Variants in RYR3 observed in about 807,000 individuals in gnomAD.
RYR3 encodes brain ryanodine receptor-calcium release channel.
Under a neutral mutation model 584.3 loss-of-function variants are expected in RYR3, and 207 were observed. That is an observed-to-expected ratio of 0.35 (90% CI 0.32 to 0.40). The LOEUF (loss-of-function observed/expected upper bound fraction) is 0.40, where lower values mean the gene tolerates loss of function less well. RYR3 is among the 10% of genes least tolerant of loss of function. The pLI is 1.00. For synonymous variants in RYR3, 2,416 were observed against 2,248.5 expected (o/e 1.07, Z -2.11); for missense variants, 5,616 against 6,089.2 (o/e 0.92, Z 2.59).
intron 1 of RYR3, among the ~76,000 whole-genome samples, chr15:33,386,108 A>G (rs2041583211): frequency 6.6e-6 from 1 of 152,190 alleles, no homozygotes; most frequent in Non-Finnish European, 1.5e-5. Context: ...AAAATCTTTT[A>G]ACTTTCTATA....
chr15:33,621,541 T>A (rs2029803), intron 19 of RYR3, among the ~76,000 whole-genome samples: 2,716 of 152,286 alleles, frequency 0.018, 83 homozygotes, highest in African/African-American at 0.059. Flanking sequence ...TTGTTTTAAT[T>A]TCATTGTTCA....
intron 10 of RYR3, among the ~76,000 whole-genome samples, chr15:33,560,747 G>A (rs1005888951): frequency 6.6e-6 from 1 of 151,788 alleles, no homozygotes; most frequent in Admixed American, 6.6e-5. Flanking sequence ...TTGTTTTATA[G>A]GATAAATGCA....
chr15:33,346,231 G>A (rs1972445023), intron 1 of RYR3, among the ~76,000 whole-genome samples: 1 of 152,202 alleles, frequency 6.6e-6, no homozygotes, highest in African/African-American at 2.4e-5. Flanking sequence ...ATGTGTTGGA[G>A]TGAGAAGGAC....
At chr15:33,528,122 T>G (rs749646002) in intron 3 of RYR3, among the ~76,000 whole-genome samples, 7 of 152,142 alleles carry the variant, frequency 4.6e-5, no homozygotes, top group Non-Finnish European at 8.8e-5. Context: ...CTTCCACCAT[T>G]TTGCAGTCAG....
intron 35 of RYR3, 128 bp from the exon 36 acceptor site, chr15:33,663,409 A>G: frequency 2.7e-6 from 2 of 749,100 alleles, no homozygotes; most frequent in African/African-American, 1.7e-5. Context: ...AGATTTGAGT[A>G]ACAGCTTTAT....
rs1567033906 is a variant in RYR3 at position 33,725,977 on chromosome 15, A to ACC, written c.6913-409_6913-408insCC. 0.011 allele frequency among the ~76,000 whole-genome samples: 57 copies of ACC among 4,960 alleles called. 8 individuals carry two copies. The East Asian group carries it at 0.46, about 40-fold the overall frequency. The allele number at this position is 4,960 out of a possible 152,430, so 3.3% of individuals were successfully genotyped here. A position where few individuals can be genotyped will look rare whatever the true frequency, so the allele number is the denominator to read the frequency against. ...AGAGCAAGACTCCATCCCCCCCCCCAAAAAAAAAAAAAAAAAAAAACAGAA... is the reference window on the plus strand; with the variant it reads ...AGAGCAAGACTCCATCCCCCCCCCCACCAAAAAAAAAAAAAAAAAAAACAGAA... On this transcript the variant is annotated intron_variant, in intron 45 of 103. Coordinates refer to ENST00000634891, the MANE Select transcript of RYR3 (RefSeq NM_001036.6).
At position 33,519,982 on chromosome 15, in the gene RYR3, A is replaced by G. The variant is rs192837895; in HGVS notation, c.280-10610A>G. Among the ~76,000 whole-genome samples the G allele has an allele frequency of 1.2e-4, 18 of 152,342 alleles. No homozygotes were observed. In the East Asian group the frequency reaches 1.9e-3, roughly 16 times the overall value. On this transcript the variant is annotated intron_variant, in intron 3 of 103. Coordinates refer to ENST00000634891, the MANE Select transcript of RYR3 (RefSeq NM_001036.6). Reference sequence around the variant, plus strand: ...GAACAAGAAGAATCGATCTCCAACTAGGAAAATCATAGTTGAGACCAGTAC... The same window carrying G: ...GAACAAGAAGAATCGATCTCCAACTGGGAAAATCATAGTTGAGACCAGTAC...
intron 36 of RYR3, 58 bp from the exon 37 acceptor site, chr15:33,669,296 T>A (rs2063677204): frequency 5.8e-6 from 8 of 1,372,008 alleles, no homozygotes; most frequent in Middle Eastern, 1.8e-4. Flanking sequence ...AGGCAGGATC[T>A]GAGTTCCCTT....
intron 60 of RYR3, among the ~76,000 whole-genome samples, chr15:33,763,678 G>T (rs1351302348): frequency 6.6e-6 from 1 of 151,964 alleles, no homozygotes; most frequent in Admixed American, 6.6e-5. Flanking sequence ...CAGATCACGA[G>T]GTCAGGATTT....
At chr15:33,415,661 A>G (rs2141543128) in intron 1 of RYR3, among the ~76,000 whole-genome samples, 1 of 152,306 alleles carries the variant, frequency 6.6e-6, no homozygotes, top group African/African-American at 2.4e-5. Flanking sequence ...TCACATTTGA[A>G]CTAGACTCAA....
chr15:33,471,071 G>C (rs529417480), intron 1 of RYR3, among the ~76,000 whole-genome samples: 1 of 152,296 alleles, frequency 6.6e-6, no homozygotes, highest in East Asian at 1.9e-4. Flanking sequence ...ACAGAATTCA[G>C]TGCAAAGATT....
chr15:33,544,018 T>C (rs8041775), intron 8 of RYR3, among the ~76,000 whole-genome samples: 5,000 of 152,232 alleles, frequency 0.033, 283 homozygotes, highest in African/African-American at 0.11. Flanking sequence ...CATCTCTATT[T>C]CCATTTCATG....
intron 1 of RYR3, among the ~76,000 whole-genome samples, chr15:33,378,357 A>G (rs2040905892): frequency 6.6e-6 from 1 of 152,166 alleles, no homozygotes; most frequent in Admixed American, 6.5e-5. Context: ...ATCATTTTAA[A>G]CTTAACAGTG....
intron 32 of RYR3, among the ~76,000 whole-genome samples, chr15:33,654,094 G>T (rs1463701016): frequency 1.3e-5 from 2 of 152,158 alleles, no homozygotes; most frequent in Non-Finnish European, 2.9e-5. Context: ...AGAATGGAGA[G>T]TCACAAGTAT....
Position 33,644,167 on chromosome 15 carries a change from C to T in RYR3, c.3557-144C>T, listed in dbSNP as rs1364638996. 1.2e-5 allele frequency: 8 copies of T among 643,980 alleles called. No individual in the cohort carries two copies. The East Asian group carries it at 2.2e-4, about 18-fold the overall frequency. 39.9% of individuals were successfully genotyped at this position (643,980 alleles called of 1,614,324 possible). On this transcript the variant is annotated intron_variant, in intron 27 of 103. Coordinates refer to ENST00000634891, the MANE Select transcript of RYR3 (RefSeq NM_001036.6). ...GCCTCCTGTTGTTGATTTTATGTGC[C>T]AGGAAGAAAGAAAGAAAGAACGGGT...
In RYR3 at chr15:33,551,435, A is replaced by C. The variant is rs570987048; in HGVS notation, c.972+1119A>C. Among the ~76,000 whole-genome samples, 21 of 152,124 alleles carry C rather than the reference A, an allele frequency of 1.4e-4. 1 individual carries two copies. The highest frequency in any genetic ancestry group is 5.9e-5 in the Non-Finnish European group (4 of 68,006). On this transcript the variant is annotated intron_variant, in intron 10 of 103. Transcript: ENST00000634891. ...GTGGGGCATCTCTGCTTCCTAATGCACCTGAAGAAGATAGTCAGCACTGTC... is the reference window on the plus strand; with the variant it reads ...GTGGGGCATCTCTGCTTCCTAATGCCCCTGAAGAAGATAGTCAGCACTGTC...
intron 1 of RYR3, among the ~76,000 whole-genome samples, chr15:33,440,246 C>T (rs1361950093): frequency 1.3e-5 from 2 of 152,138 alleles, no homozygotes; most frequent in Admixed American, 6.5e-5. Context: ...GTGATTGCAC[C>T]ACTGCACTCT....
intron 1 of RYR3, among the ~76,000 whole-genome samples, chr15:33,435,838 A>G (rs563307944): frequency 6.6e-6 from 1 of 152,358 alleles, no homozygotes; most frequent in African/African-American, 2.4e-5. Flanking sequence ...GAAGAGCTAC[A>G]GAACAAAGCT....
intron 32 of RYR3, among the ~76,000 whole-genome samples, chr15:33,658,646 G>A (rs2062960584): frequency 2.0e-5 from 3 of 152,192 alleles, no homozygotes; most frequent in African/African-American, 7.2e-5. Flanking sequence ...TCAGTTGGTG[G>A]AATTAAAGTC....
Sources: allele counts gnomAD v4.1 joint callset (sites outside exome capture counted in the v4.1 genomes callset), GRCh38; gene constraint gnomAD v4.1.1; transcripts MANE v1.5; gene names NCBI Gene and HGNC (gene_info 2026-07-23, HGNC 2026-07-21).